GOLGA8A: variants seen among roughly 807,000 people sequenced by gnomAD.
GOLGA8A encodes golgin subfamily A member 8A.
GOLGA8A carries 3 observed loss-of-function variants against 22.1 expected under a neutral mutation model. That is an observed-to-expected ratio of 0.14 (90% CI 0.06 to 0.35). GOLGA8A has a LOEUF of 0.35. GOLGA8A is among the 10% of genes least tolerant of loss of function. The probability of loss-of-function intolerance (pLI) is 1.00; values close to 1 mark genes in which losing one functional copy is unlikely to be tolerated. For synonymous variants in GOLGA8A, 7 were observed against 91.7 expected, an observed-to-expected ratio of 0.08 and a Z score of 5.28; for missense variants, 16 against 233.2, an observed-to-expected ratio of 0.07 and a Z score of 6.07.
chr15:34,427,167 C>T, intron 2 of GOLGA8A, among the ~76,000 whole-genome samples: 1 of 146,996 alleles, frequency 6.8e-6, no homozygotes, highest in East Asian at 2.0e-4. Flanking sequence ...CTCGTCTGTA[C>T]TAAAAATACA....
intron 7 of GOLGA8A, among the ~76,000 whole-genome samples, 182 bp downstream of exon 7, chr15:34,398,973 C>G (rs1438913618): frequency 7.3e-6 from 1 of 137,856 alleles, no homozygotes; most frequent in East Asian, 2.1e-4. Context: ...CCTATCCCAG[C>G]ATAGATGCAG....
At position 34,436,941 on chromosome 15, in the gene GOLGA8A, A is replaced by G. The variant is rs1477681969; in HGVS notation, c.-1212+457T>C. The stretch of plus-strand genomic sequence containing the variant: ...GGCTCGAGTTCTCCCAGGGAAGTGA[A>G]CCCAGAGGCGATCCCAAACTCAGTA... On this transcript the variant is annotated intron_variant, in intron 1 of 24. Coordinates refer to ENST00000359187, the MANE Select transcript of GOLGA8A (RefSeq NM_181077.5). Among the ~76,000 whole-genome samples the G allele has an allele frequency of 1.3e-5, 2 of 149,436 alleles. 1 individual carries two copies. Among genetic ancestry groups the G allele is most frequent in the East Asian group, 4.0e-4 (2 of 5,044 alleles).
In GOLGA8A at chr15:34,437,798, A is replaced by G. The variant is rs1421786275; in HGVS notation, c.-1612T>C. On this transcript the variant is annotated 5_prime_UTR_variant, in exon 1 of 25. Coordinates refer to ENST00000359187, the MANE Select transcript of GOLGA8A (RefSeq NM_181077.5). ...CACCTCGACTGCTGATTAGCCCGAC[A>G]GCTGAATAGCGGCGGGAGCCTACCG... Among the ~76,000 whole-genome samples, 6 of 148,984 alleles carry G rather than the reference A, an allele frequency of 4.0e-5. 1 individual carries two copies. Among genetic ancestry groups the G allele is most frequent in the Non-Finnish European group, 9.0e-5 (6 of 67,000 alleles).
At chr15:34,429,847 G>C (rs73376078) in intron 2 of GOLGA8A, among the ~76,000 whole-genome samples, 1 of 148,124 alleles carries the variant, frequency 6.8e-6, no homozygotes, top group Non-Finnish European at 1.5e-5. Flanking sequence ...GGTGAATGAC[G>C]GGCAAGGTGA....
chr15:34,433,718 C>A (rs1893360189), intron 2 of GOLGA8A, among the ~76,000 whole-genome samples: 1 of 149,504 alleles, frequency 6.7e-6, no homozygotes, highest in Admixed American at 6.7e-5. Flanking sequence ...AGCACTAAGG[C>A]TCTGCTGTGT....
chr15:34,426,393 C>A (rs3894644), intron 2 of GOLGA8A, among the ~76,000 whole-genome samples: 4 of 146,476 alleles, frequency 2.7e-5, no homozygotes, highest in Non-Finnish European at 4.5e-5. Context: ...AAGTAAAATA[C>A]GTCCACAGAC....
At chr15:34,432,438 ATCACAGCCGAGTGC>A (rs1893300334) in intron 2 of GOLGA8A, among the ~76,000 whole-genome samples, 1 of 148,976 alleles carries the variant, frequency 6.7e-6, no homozygotes, top group African/African-American at 2.5e-5. Context: ...GCACTGCCCC[ATCACAGCCGAGTGC>A]TCTTAGGCAA....
Position 34,381,103 on chromosome 15 carries a change from G to C in GOLGA8A, c.*308C>G. 2 of 457,952 alleles carry C rather than the reference G, an allele frequency of 4.4e-6. No individual in the cohort carries two copies. The highest frequency in any genetic ancestry group is 4.1e-6 in the Non-Finnish European group (1 of 246,722). The allele number at this position is 457,952 out of a possible 1,614,324, so 28.4% of individuals were successfully genotyped here. A position where few individuals can be genotyped will look rare whatever the true frequency, so the allele number is the denominator to read the frequency against. On this transcript the variant is annotated 3_prime_UTR_variant, in exon 25 of 25. Transcript: ENST00000359187. The stretch of plus-strand genomic sequence containing the variant: ...ACCAGCGAGAACAGTTTTGTGCAAA[G>C]AGTGGGTCTTTGTGTGTTTGAACTC...
rs1472343179 is a variant in GOLGA8A at position 34,402,732 on chromosome 15, A to G, written c.-574-1973T>C. On this transcript the variant is annotated intron_variant, in intron 5 of 24. Coordinates refer to ENST00000359187, the MANE Select transcript of GOLGA8A (RefSeq NM_181077.5). ...ACTACACCGACGTATTTTAAAAGTAATAACATAACTACATCTACAATAAGA... is the reference window on the plus strand; with the variant it reads ...ACTACACCGACGTATTTTAAAAGTAGTAACATAACTACATCTACAATAAGA... Among the ~76,000 whole-genome samples, 37 of 17,174 alleles carry G rather than the reference A, an allele frequency of 2.2e-3. 1 individual carries two copies. Among genetic ancestry groups the G allele is most frequent in the African/African-American group, 0.01 (34 of 3,368 alleles). 11.3% of individuals were successfully genotyped at this position (17,174 alleles called of 152,430 possible).
chr15:34,397,607 G>A (rs946723624), intron 8 of GOLGA8A, among the ~76,000 whole-genome samples: 1 of 141,332 alleles, frequency 7.1e-6, no homozygotes, highest in Non-Finnish European at 1.6e-5. Flanking sequence ...GAATCCTACA[G>A]GCTTAAGTTA....
At chr15:34,423,804 T>C (rs1054408012) in intron 2 of GOLGA8A, among the ~76,000 whole-genome samples, 1 of 149,280 alleles carries the variant, frequency 6.7e-6, no homozygotes, top group Admixed American at 6.7e-5. Context: ...GAGTCACACA[T>C]GCTGGCCCCA....
At chr15:34,425,894 T>A (rs349637) in intron 2 of GOLGA8A, among the ~76,000 whole-genome samples, 13,246 of 135,674 alleles carry the variant, frequency 0.098, 2,410 homozygotes, top group South Asian at 0.24. Context: ...TTACACCCAC[T>A]TGACTGAATG....
chr15:34,380,108 A>C lies in GOLGA8A; in HGVS notation c.*1303T>G, dbSNP rs1891406129. ...TCTACTAAAATTCCTTTTTGTTTCA[A>C]CTAAGTACTCTCACATATATTAGTT... is the stretch of plus-strand genomic sequence containing the variant. On this transcript the variant is annotated 3_prime_UTR_variant, in exon 25 of 25. Coordinates refer to ENST00000359187, the MANE Select transcript of GOLGA8A (RefSeq NM_181077.5). The C allele has an allele frequency of 6.6e-6, 1 of 152,456 alleles. No individual in the cohort carries two copies. The highest frequency in any genetic ancestry group is 2.4e-5 in the African/African-American group (1 of 41,474). 9.4% of individuals were successfully genotyped at this position (152,456 alleles called of 1,614,324 possible).
At position 34,422,705 on chromosome 15, in the gene GOLGA8A, G is replaced by C. The variant is rs1394322387; in HGVS notation, c.-1123+12678C>G. ...CTTGGCCTTGTGTACGCTCGCGCTCGTGCGCTTGTGCGCTCTCTCTCGCTC... is the reference window on the plus strand; with the variant it reads ...CTTGGCCTTGTGTACGCTCGCGCTCCTGCGCTTGTGCGCTCTCTCTCGCTC... On this transcript the variant is annotated intron_variant, in intron 2 of 24. Coordinates refer to ENST00000359187, the MANE Select transcript of GOLGA8A (RefSeq NM_181077.5). Among the ~76,000 whole-genome samples the C allele has an allele frequency of 3.4e-5, 3 of 88,864 alleles. 1 individual carries two copies. The highest frequency in any genetic ancestry group is 8.9e-5 in the African/African-American group (3 of 33,546). 58.3% of individuals were successfully genotyped at this position (88,864 alleles called of 152,430 possible).
chr15:34,425,713 T>C lies in GOLGA8A; in HGVS notation c.-1123+9670A>G, dbSNP rs1892956864. Among the ~76,000 whole-genome samples the C allele has an allele frequency of 1.4e-5, 2 of 146,152 alleles. 1 individual carries two copies. The highest frequency in any genetic ancestry group is 3.0e-5 in the Non-Finnish European group (2 of 66,148). ...ATAGAAAATGAGGAATAACCCTGTG[T>C]ACCAAGAACACCTAGAAATCAACAA... On this transcript the variant is annotated intron_variant, in intron 2 of 24. Coordinates refer to ENST00000359187, the MANE Select transcript of GOLGA8A (RefSeq NM_181077.5).
chr15:34,434,533 G>A (rs1893406391), intron 2 of GOLGA8A, among the ~76,000 whole-genome samples: 1 of 148,978 alleles, frequency 6.7e-6, no homozygotes, highest in African/African-American at 2.5e-5. Context: ...CATGACAGCT[G>A]ACTCAGCCTG....
At position 34,386,615 on chromosome 15, in the gene GOLGA8A, G is replaced by A. The variant is rs1158010956; in HGVS notation, c.285+10C>T. The A allele has an allele frequency of 6.9e-7, 1 of 1,451,506 alleles. No individual in the cohort carries two copies. The highest frequency in any genetic ancestry group is 9.3e-7 in the Non-Finnish European group (1 of 1,069,568). 89.9% of individuals were successfully genotyped at this position (1,451,506 alleles called of 1,614,324 possible). A position where few individuals can be genotyped will look rare whatever the true frequency, so the allele number is the denominator to read the frequency against. ...CAGCGTGGAATCAGGGGACCCCACT[G>A]GACTCTTACCAAAGATTTGATGGTG... On this transcript the variant is annotated intron_variant, in intron 12 of 24. Transcript: ENST00000359187.
chr15:34,425,275 G>A (rs1468949612), intron 2 of GOLGA8A, among the ~76,000 whole-genome samples: 1 of 147,706 alleles, frequency 6.8e-6, no homozygotes, highest in African/African-American at 2.5e-5. Context: ...TTAGAATGGA[G>A]AATCCAGAAA....
chr15:34,380,641 A>G lies in GOLGA8A; in HGVS notation c.*770T>C, dbSNP rs142779697. ...TGCAACTGCTGCAGCTCACGATGCA[A>G]TATCTTCATGAGCCCAGAGCACATA... is the stretch of plus-strand genomic sequence containing the variant. On this transcript the variant is annotated 3_prime_UTR_variant, in exon 25 of 25. Coordinates refer to ENST00000359187, the MANE Select transcript of GOLGA8A (RefSeq NM_181077.5). 6.7e-3 allele frequency: 1,017 copies of G among 152,682 alleles called. 13 individuals carry two copies. Among genetic ancestry groups the G allele is most frequent in the African/African-American group, 0.023 (957 of 41,520 alleles). The allele number at this position is 152,682 out of a possible 1,614,324, so 9.5% of individuals were successfully genotyped here.
Sources: gnomAD v4.1 joint callset for allele counts (sites outside exome capture counted in the v4.1 genomes callset) on GRCh38, gnomAD v4.1.1 for gene constraint, MANE v1.5 for transcripts, NCBI Gene and HGNC (gene_info 2026-07-23, HGNC 2026-07-21) for gene names.